CPA6: variants seen among roughly 807,000 people sequenced by gnomAD.
The protein encoded by CPA6 is carboxypeptidase A6.
A neutral mutation model predicts 63.3 loss-of-function variants in CPA6; 58 were observed. The ratio of observed to expected loss-of-function variants is 0.92; its 90% CI spans 0.74 to 1.14. CPA6 has a LOEUF of 1.14. Among genes scored for constraint, CPA6 ranks in the 50% most tolerant of loss-of-function variants. The probability of loss-of-function intolerance (pLI) is 0.00; values close to 1 mark genes in which losing one functional copy is unlikely to be tolerated. For synonymous variants in CPA6, 185 were observed against 179.0 expected, an observed-to-expected ratio of 1.03 and a Z score of -0.27; for missense variants, 565 against 526.6, an observed-to-expected ratio of 1.07 and a Z score of -0.71.
chr8:67,614,025 C>A (rs1300547281), intron 2 of CPA6, among the ~76,000 whole-genome samples: 1 of 152,190 alleles, frequency 6.6e-6, no homozygotes, highest in African/African-American at 2.4e-5. Flanking sequence ...TAAAACCTTG[C>A]ATTCATCCTT....
intron 1 of CPA6, among the ~76,000 whole-genome samples, chr8:67,668,680 A>C (rs1816282425): frequency 6.6e-6 from 1 of 152,218 alleles, no homozygotes; most frequent in Non-Finnish European, 1.5e-5. Flanking sequence ...TGATAAAAAA[A>C]TCTGGATATT....
chr8:67,693,302 T>C (rs762332992), intron 1 of CPA6, among the ~76,000 whole-genome samples: 17 of 152,180 alleles, frequency 1.1e-4, no homozygotes, highest in Non-Finnish European at 2.1e-4. Context: ...ACGAGCTTAA[T>C]TGGGCTGTTT....
chr8:67,630,370 C>T (rs1815296664), intron 1 of CPA6, among the ~76,000 whole-genome samples: 1 of 152,038 alleles, frequency 6.6e-6, no homozygotes, highest in South Asian at 2.1e-4. Flanking sequence ...AACTGAGTAC[C>T]TAAAGAAAAC....
chr8:67,485,032 C>A lies in CPA6; in HGVS notation c.637-243G>T, dbSNP rs561956527. ...GAGATCAGTTGGGCAGCCTCTTAAT[C>A]GTAATTAAGATCTGGCTACAGTTTT... On this transcript the variant is annotated intron_variant, in intron 6 of 10. Transcript: ENST00000297770. Among the ~76,000 whole-genome samples the A allele has an allele frequency of 3.3e-5, 5 of 152,246 alleles. No individual in the cohort carries two copies. In the East Asian group the frequency reaches 9.6e-4, roughly 29 times the overall value.
intron 8 of CPA6, among the ~76,000 whole-genome samples, chr8:67,464,046 G>A (rs942591271): frequency 7.2e-5 from 11 of 152,186 alleles, no homozygotes; most frequent in African/African-American, 2.4e-4. Flanking sequence ...TAATGGGATT[G>A]CTGGGTCAAA....
At chr8:67,609,678 T>C (rs1291092522) in intron 2 of CPA6, among the ~76,000 whole-genome samples, 1 of 152,208 alleles carries the variant, frequency 6.6e-6, no homozygotes, top group Non-Finnish European at 1.5e-5. Context: ...CAAATACATA[T>C]GATAAACAAT....
At chr8:67,447,403 G>A (rs1366295786) in intron 8 of CPA6, among the ~76,000 whole-genome samples, 2 of 151,692 alleles carry the variant, frequency 1.3e-5, no homozygotes, top group Non-Finnish European at 2.9e-5. Flanking sequence ...AAACAATAAT[G>A]CAATAAGCAT....
At chr8:67,671,032 G>A (rs530923639) in intron 1 of CPA6, among the ~76,000 whole-genome samples, 1 of 152,262 alleles carries the variant, frequency 6.6e-6, no homozygotes, top group East Asian at 1.9e-4. Context: ...TAGATCTGGA[G>A]GTATCTTCAG....
At chr8:67,583,906 C>G (rs1020991030) in intron 2 of CPA6, among the ~76,000 whole-genome samples, 26 of 152,008 alleles carry the variant, frequency 1.7e-4, no homozygotes, top group Non-Finnish European at 3.1e-4. Context: ...GCCTGTAATC[C>G]CAGCATTTTG....
chr8:67,696,885 G>C (rs1437450597), intron 1 of CPA6, among the ~76,000 whole-genome samples: 1 of 152,134 alleles, frequency 6.6e-6, no homozygotes, highest in Non-Finnish European at 1.5e-5. Flanking sequence ...TACTTTATGG[G>C]GTCATGGAAA....
chr8:67,557,587 C>T (rs1813093691), intron 2 of CPA6, among the ~76,000 whole-genome samples: 1 of 152,118 alleles, frequency 6.6e-6, no homozygotes, highest in African/African-American at 2.4e-5. Context: ...AGCAAACCTC[C>T]CCAACCCCCT....
chr8:67,726,149 A>G (rs1410355327), intron 1 of CPA6, among the ~76,000 whole-genome samples: 1 of 152,216 alleles, frequency 6.6e-6, no homozygotes, highest in Non-Finnish European at 1.5e-5. Flanking sequence ...AATAATTTTT[A>G]TTCAGAAGCT....
intron 6 of CPA6, among the ~76,000 whole-genome samples, chr8:67,487,815 T>A (rs1184599181): frequency 6.6e-6 from 1 of 152,260 alleles, no homozygotes; most frequent in Non-Finnish European, 1.5e-5. Flanking sequence ...CCAGTGATGA[T>A]GAGCATTTTT....
intron 1 of CPA6, among the ~76,000 whole-genome samples, chr8:67,722,722 T>C (rs1425207335): frequency 1.3e-5 from 2 of 152,150 alleles, no homozygotes; most frequent in African/African-American, 4.8e-5. Flanking sequence ...ACTTGATATT[T>C]TTTATTTCCT....
intron 2 of CPA6, among the ~76,000 whole-genome samples, chr8:67,588,508 C>A (rs1395913663): frequency 6.6e-6 from 1 of 152,008 alleles, no homozygotes; most frequent in African/African-American, 2.4e-5. Flanking sequence ...TAGGAGAGGG[C>A]AATTTGTACA....
intron 8 of CPA6, among the ~76,000 whole-genome samples, chr8:67,460,369 A>C (rs1056939736): frequency 7.9e-5 from 12 of 152,256 alleles, no homozygotes; most frequent in Non-Finnish European, 1.3e-4. Flanking sequence ...AAGAGTTAAG[A>C]GATTGCATAA....
At chr8:67,439,464 G>A (rs887268863) in intron 8 of CPA6, among the ~76,000 whole-genome samples, 6 of 151,666 alleles carry the variant, frequency 4.0e-5, no homozygotes, top group African/African-American at 9.7e-5. Flanking sequence ...TGGTGCATGC[G>A]TTTAATCCCA....
At chr8:67,444,539 T>A (rs1372282783) in intron 8 of CPA6, among the ~76,000 whole-genome samples, 1 of 151,734 alleles carries the variant, frequency 6.6e-6, no homozygotes, top group Non-Finnish European at 1.5e-5. Context: ...ATCCCAGCAC[T>A]GTGGGAGGCC....
intron 2 of CPA6, among the ~76,000 whole-genome samples, chr8:67,552,548 C>T (rs185643308): frequency 0.016 from 2,446 of 151,852 alleles, 44 homozygotes; most frequent in African/African-American, 0.055. Context: ...CCAAGGCGGG[C>T]GGATCACAAG....
Sources: allele counts gnomAD v4.1 joint callset (sites outside exome capture counted in the v4.1 genomes callset), GRCh38; gene constraint gnomAD v4.1.1; transcripts MANE v1.5; gene names NCBI Gene and HGNC (gene_info 2026-07-23, HGNC 2026-07-21).